The following IL23R variants were observed in gnomAD, a reference collection of about 807,000 sequenced individuals.
The protein encoded by IL23R is interleukin-23 receptor.
Under a neutral mutation model 56.9 loss-of-function variants are expected in IL23R, and 34 were observed. That is an observed-to-expected ratio of 0.60 (90% CI 0.45 to 0.80). The LOEUF (loss-of-function observed/expected upper bound fraction) is 0.80, where lower values mean the gene tolerates loss of function less well. IL23R is among the 30% of genes least tolerant of loss of function. The probability of loss-of-function intolerance (pLI) is 0.00; values close to 1 mark genes in which losing one functional copy is unlikely to be tolerated. For missense variants in IL23R, 635 were observed against 730.0 expected (o/e 0.87, Z 1.50); for synonymous variants, 230 against 249.2 (o/e 0.92, Z 0.73).
At chr1:67,247,515 G>T (rs1202163011) in intron 9 of IL23R, among the ~76,000 whole-genome samples, 1 of 152,026 alleles carries the variant, frequency 6.6e-6, no homozygotes, top group Non-Finnish European at 1.5e-5. Context: ...TGTTGGTCAG[G>T]TAGGTCTCAA....
At position 67,190,432 on chromosome 1, in the gene IL23R, GA is replaced by G. The variant is rs35538674; in HGVS notation, c.491+7484del. Among the ~76,000 whole-genome samples, 381 of 139,104 alleles carry G rather than the reference GA, an allele frequency of 2.7e-3. 3 individuals are homozygous for G. Among genetic ancestry groups the G allele is most frequent in the African/African-American group, 8.6e-3 (324 of 37,630 alleles). 91.3% of individuals were successfully genotyped at this position (139,104 alleles called of 152,430 possible). ...TGCTGTTTCAAAGGGTAATGATAGGGAAAAAAAAAAACCAAAAAAAAAACAA... is the reference window on the plus strand; with the variant it reads ...TGCTGTTTCAAAGGGTAATGATAGGGAAAAAAAAAACCAAAAAAAAAACAA... On this transcript the variant is annotated intron_variant, in intron 4 of 10. Transcript: ENST00000347310.
At chr1:67,228,151 T>TTTCCTTCCTTCCTTCCTTCCTTCC (rs71062406) in intron 7 of IL23R, among the ~76,000 whole-genome samples, 23 of 58,102 alleles carry the variant, frequency 4.0e-4, no homozygotes, top group Middle Eastern at 6.6e-3. Flanking sequence ...TGTCTTTCTT[T>TTTCCTTCCTTCCTTCCTTCCTTCC]TTCCTTCCTT....
chr1:67,163,468 C>CAAAAAAAAAAAAAAAAAAA (rs57495148), upstream of IL23R, among the ~76,000 whole-genome samples: 3 of 49,586 alleles, frequency 6.1e-5, no homozygotes, highest in Non-Finnish European at 9.7e-5. Flanking sequence ...GACCCTGTCT[C>CAAAAAAAAAAAAAAAAAAA]AAAAAAAAAA....
chr1:67,220,393 T>A (rs1393218817), intron 7 of IL23R, among the ~76,000 whole-genome samples: 5 of 151,588 alleles, frequency 3.3e-5, no homozygotes, highest in Admixed American at 2.6e-4. Context: ...ATAAAAATAA[T>A]AATAATAAAT....
Position 67,244,183 on chromosome 1 carries a change from T to C in IL23R, c.1148+3902T>C, listed in dbSNP as rs544795811. Among the ~76,000 whole-genome samples, 4 of 152,314 alleles carry C rather than the reference T, an allele frequency of 2.6e-5. No individual in the cohort carries two copies. The East Asian group carries it at 7.7e-4, about 29-fold the overall frequency. ...TTTGTTTGTTTTCTTGTAAATTTGT[T>C]TAAGTTCCTTGTAGATTCTGGATAT... On this transcript the variant is annotated intron_variant, in intron 9 of 10. Coordinates refer to ENST00000347310, the MANE Select transcript of IL23R (RefSeq NM_144701.3).
intron 7 of IL23R, among the ~76,000 whole-genome samples, chr1:67,227,816 A>G (rs542275364): frequency 6.6e-6 from 1 of 152,322 alleles, no homozygotes; most frequent in Non-Finnish European, 1.5e-5. Flanking sequence ...TAGACTTTTC[A>G]TTTGGGTTTA....
chr1:67,190,332 C>G (rs1164664685), intron 4 of IL23R, among the ~76,000 whole-genome samples: 2 of 152,034 alleles, frequency 1.3e-5, no homozygotes, highest in African/African-American at 4.8e-5. Context: ...TTTCTTTCTT[C>G]CCAGCTCCTT....
At chr1:67,263,112 CTTTTTTTTTT>C (rs66482004), downstream of IL23R, among the ~76,000 whole-genome samples, 1 of 98,890 alleles carries the variant, frequency 1.0e-5, no homozygotes, top group Non-Finnish European at 2.0e-5. Flanking sequence ...AATTTCTTTC[CTTTTTTTTTT>C]TTTTTTTTTT....
chr1:67,175,588 T>A (rs1570782872), intron 3 of IL23R, among the ~76,000 whole-genome samples: 1 of 152,348 alleles, frequency 6.6e-6, no homozygotes, highest in African/African-American at 2.4e-5. Flanking sequence ...ATGCAATGTT[T>A]TTCCTTTAGG....
intron 3 of IL23R, among the ~76,000 whole-genome samples, chr1:67,179,046 G>T (rs984698842): frequency 6.6e-6 from 1 of 152,110 alleles, no homozygotes; most frequent in Non-Finnish European, 1.5e-5. Context: ...TTTTTGCATC[G>T]ATGTTCATCA....
At chr1:67,199,163 T>G (rs1214579295) in intron 4 of IL23R, among the ~76,000 whole-genome samples, 3 of 152,194 alleles carry the variant, frequency 2.0e-5, no homozygotes, top group Middle Eastern at 3.2e-3. Context: ...TCCTGATCCA[T>G]CAGTAGCTCA....
chr1:67,154,317 A>C (rs1646753616), intron 1 of IL23R, among the ~76,000 whole-genome samples: 1 of 152,078 alleles, frequency 6.6e-6, no homozygotes, highest in Non-Finnish European at 1.5e-5. Context: ...ATCCTTGTTA[A>C]TTCTCTGTCT....
rs891657175 is a variant in IL23R, at chr1:67,226,013, C to T, written c.955+6283C>T. Among the ~76,000 whole-genome samples, 5 of 152,182 alleles carry T rather than the reference C, an allele frequency of 3.3e-5. No individual in the cohort carries two copies. The East Asian group carries it at 7.7e-4, about 23-fold the overall frequency. ...GATATGATTGCCCAAGCCATTGAAA[C>T]GGGAGAGTTCCCTGACTCCTGTCGC... On this transcript the variant is annotated intron_variant, in intron 7 of 10. Coordinates refer to ENST00000347310, the MANE Select transcript of IL23R (RefSeq NM_144701.3).
At chr1:67,183,054 A>G in intron 4 of IL23R, 95 bp downstream of exon 4, 1 of 1,332,098 alleles carries the variant, frequency 7.5e-7, no homozygotes. Flanking sequence ...AGCCTCAAAC[A>G]TTAAATATAT....
intron 4 of IL23R, among the ~76,000 whole-genome samples, chr1:67,183,208 G>A (rs952778017): frequency 1.3e-5 from 2 of 152,180 alleles, no homozygotes; most frequent in Non-Finnish European, 2.9e-5. Context: ...CTGGTAGCAG[G>A]CTCCTAATGG....
At chr1:67,171,952 C>A (rs535089619) in intron 3 of IL23R, among the ~76,000 whole-genome samples, 130 of 152,322 alleles carry the variant, frequency 8.5e-4, no homozygotes, top group African/African-American at 2.9e-3. Context: ...TCTTCCAGGA[C>A]AGCCTAATAG....
rs749224934 is a variant in IL23R at position 67,200,894 on chromosome 1, A to G, written c.649A>G (p.Ile217Val). 8 of 1,614,038 alleles carry G rather than the reference A, an allele frequency of 5.0e-6. No individual in the cohort carries two copies. Among genetic ancestry groups the G allele is most frequent in the Non-Finnish European group, 5.9e-6 (7 of 1,179,910 alleles). Residue 217 changes from isoleucine to valine, a missense_variant, in exon 5 of 11, where the codon ATA becomes GTA. Transcript: ENST00000347310. ...ACAACTGCAAATTCACCTGGATGATATAGGTAAAGAATAAGAAATTCTGTA... is the reference window on the plus strand; with the variant it reads ...ACAACTGCAAATTCACCTGGATGATGTAGGTAAAGAATAAGAAATTCTGTA... ...SKQLQIHLDD[I>V]VIPSAAVISR...
intron 1 of IL23R, among the ~76,000 whole-genome samples, chr1:67,150,603 A>G (rs1031774482): frequency 8.0e-6 from 1 of 124,562 alleles, no homozygotes; most frequent in Admixed American, 1.0e-4. Context: ...ACATGATCTT[A>G]TTTTCTTTTA....
At chr1:67,167,357 C>T (rs1006920750) in intron 1 of IL23R, among the ~76,000 whole-genome samples, 5 of 152,220 alleles carry the variant, frequency 3.3e-5, no homozygotes, top group African/African-American at 1.2e-4. Context: ...AGGCATGAGC[C>T]ACCACGCCTC....
Sources: allele counts gnomAD v4.1 joint callset (sites outside exome capture counted in the v4.1 genomes callset), GRCh38; gene constraint gnomAD v4.1.1; transcripts MANE v1.5; gene names NCBI Gene and HGNC (gene_info 2026-07-23, HGNC 2026-07-21).